FOCAD: variants seen among roughly 807,000 people sequenced by gnomAD.
The protein encoded by FOCAD is KIAA1797.
A neutral mutation model predicts 225.6 loss-of-function variants in FOCAD; 198 were observed. The ratio of observed to expected loss-of-function variants is 0.88; its 90% CI spans 0.78 to 0.99. FOCAD has a LOEUF of 0.99. FOCAD is among the 50% of genes least tolerant of loss of function. The probability of loss-of-function intolerance (pLI) is 0.00; values close to 1 mark genes in which losing one functional copy is unlikely to be tolerated. For missense variants in FOCAD, 2,713 were observed against 2,123.6 expected, an observed-to-expected ratio of 1.28 and a Z score of -5.46; for synonymous variants, 897 against 755.0, an observed-to-expected ratio of 1.19 and a Z score of -3.08.
At chr9:20,917,389 C>T (rs559002248) in intron 24 of FOCAD, among the ~76,000 whole-genome samples, 1 of 152,060 alleles carries the variant, frequency 6.6e-6, no homozygotes, top group South Asian at 2.1e-4. Flanking sequence ...AATGCCAAGG[C>T]CCATTTAAAA....
chr9:20,717,710 G>A (rs904887211), intron 2 of FOCAD, 84 bp from the exon 3 acceptor site: 25 of 1,047,596 alleles, frequency 2.4e-5, no homozygotes, highest in Non-Finnish European at 3.2e-5. Flanking sequence ...CTAATTGACT[G>A]CCTGGCATAC....
chr9:20,830,801 T>C (rs188965658), intron 15 of FOCAD, among the ~76,000 whole-genome samples: 80 of 152,104 alleles, frequency 5.3e-4, no homozygotes, highest in Non-Finnish European at 9.9e-4. Flanking sequence ...CTTAGACTCC[T>C]GAGTAGCTGG....
chr9:20,757,929 C>T (rs1020714324), intron 5 of FOCAD, among the ~76,000 whole-genome samples, 161 bp from the exon 6 acceptor site: 1 of 152,086 alleles, frequency 6.6e-6, no homozygotes, highest in Non-Finnish European at 1.5e-5. Context: ...TCTGATGAAC[C>T]AACTCTGCAA....
At chr9:20,808,627 G>A (rs997945780) in intron 11 of FOCAD, among the ~76,000 whole-genome samples, 1 of 152,204 alleles carries the variant, frequency 6.6e-6, no homozygotes, top group Non-Finnish European at 1.5e-5. Flanking sequence ...GTGAGCAGGA[G>A]GAGGGAATAG....
At chr9:20,990,846 A>G (rs766988225) in intron 42 of FOCAD, among the ~76,000 whole-genome samples, 1 of 152,318 alleles carries the variant, frequency 6.6e-6, no homozygotes, top group Admixed American at 6.5e-5. Flanking sequence ...GGGAGCATCC[A>G]TCTTCTTGTA....
At chr9:20,783,202 G>A (rs1819570129) in intron 10 of FOCAD, among the ~76,000 whole-genome samples, 1 of 152,138 alleles carries the variant, frequency 6.6e-6, no homozygotes, top group African/African-American at 2.4e-5. Flanking sequence ...TCAGATGTGT[G>A]TGAATCTTAT....
intron 19 of FOCAD, among the ~76,000 whole-genome samples, chr9:20,881,413 A>G (rs925881082): frequency 3.9e-5 from 6 of 152,184 alleles, no homozygotes; most frequent in South Asian, 4.1e-4. Flanking sequence ...GCACAGTGAA[A>G]AGCAACTGGA....
chr9:20,774,833 C>A (rs1391257429), intron 8 of FOCAD, among the ~76,000 whole-genome samples: 2 of 152,112 alleles, frequency 1.3e-5, no homozygotes, highest in Admixed American at 6.6e-5. Flanking sequence ...AATGTTTTAG[C>A]AGTTTTAGAA....
intron 28 of FOCAD, among the ~76,000 whole-genome samples, chr9:20,937,787 C>A (rs1836151324): frequency 6.6e-6 from 1 of 152,050 alleles, no homozygotes; most frequent in Non-Finnish European, 1.5e-5. Context: ...TCAGAGTGAA[C>A]AGGCAACCTA....
intron 4 of FOCAD, among the ~76,000 whole-genome samples, chr9:20,739,557 C>T (rs956467829): frequency 8.6e-5 from 13 of 150,538 alleles, no homozygotes; most frequent in African/African-American, 1.5e-4. Flanking sequence ...GAGCCGAGAT[C>T]GTGCCATTGA....
intron 23 of FOCAD, 55 bp from the exon 24 acceptor site, chr9:20,916,838 G>A: frequency 6.7e-7 from 1 of 1,482,608 alleles, no homozygotes; most frequent in Non-Finnish European, 9.2e-7. Context: ...AAAAGAGAAA[G>A]GAATGATTTC....
At chr9:20,895,605 A>C (rs1025557062) in intron 21 of FOCAD, among the ~76,000 whole-genome samples, 2 of 151,844 alleles carry the variant, frequency 1.3e-5, no homozygotes, top group Admixed American at 1.3e-4. Context: ...GTAGGTTTAT[A>C]CATAAGTATT....
At chr9:20,938,130 T>C (rs1836192649) in intron 28 of FOCAD, among the ~76,000 whole-genome samples, 1 of 152,232 alleles carries the variant, frequency 6.6e-6, no homozygotes, top group Admixed American at 6.5e-5. Flanking sequence ...ACACTGTTGG[T>C]GGGACCGTAA....
intron 11 of FOCAD, among the ~76,000 whole-genome samples, chr9:20,809,045 C>G (rs996679561): frequency 3.7e-4 from 56 of 152,230 alleles, no homozygotes; most frequent in African/African-American, 1.3e-3. Context: ...GCACATGTTT[C>G]TTTGTAGTTT....
intron 5 of FOCAD, among the ~76,000 whole-genome samples, chr9:20,750,849 T>A (rs1828474933): frequency 6.6e-6 from 1 of 152,170 alleles, no homozygotes; most frequent in African/African-American, 2.4e-5. Context: ...CATAGAATTA[T>A]TAGTAGCTGA....
intron 15 of FOCAD, among the ~76,000 whole-genome samples, chr9:20,828,935 G>A (rs2131479662): frequency 6.6e-6 from 1 of 152,180 alleles, no homozygotes; most frequent in East Asian, 1.9e-4. Flanking sequence ...ATGACTTCCA[G>A]CTCCATCCAT....
At chr9:20,713,106 CA>C (rs1379010451) in intron 1 of FOCAD, among the ~76,000 whole-genome samples, 4 of 152,124 alleles carry the variant, frequency 2.6e-5, no homozygotes, top group Non-Finnish European at 5.9e-5. Context: ...AGAATGTGAC[CA>C]CTTGGTACCC....
intron 8 of FOCAD, among the ~76,000 whole-genome samples, chr9:20,775,470 T>C (rs943818945): frequency 6.6e-6 from 1 of 152,190 alleles, no homozygotes; most frequent in Admixed American, 6.5e-5. Context: ...TCAGATTTTG[T>C]AGGAAAAATG....
intron 4 of FOCAD, among the ~76,000 whole-genome samples, chr9:20,724,577 A>T (rs1826044082): frequency 6.6e-6 from 1 of 152,180 alleles, no homozygotes; most frequent in Non-Finnish European, 1.5e-5. Flanking sequence ...TTGATCATAA[A>T]ATATATAAGT....
Sources: allele counts gnomAD v4.1 joint callset (sites outside exome capture counted in the v4.1 genomes callset), GRCh38; gene constraint gnomAD v4.1.1; transcripts MANE v1.5; gene names NCBI Gene and HGNC (gene_info 2026-07-23, HGNC 2026-07-21).